The following DGKB variants were observed in gnomAD, a reference collection of about 807,000 sequenced individuals.
The protein encoded by DGKB is 90 kDa diacylglycerol kinase.
In DGKB, 67 loss-of-function variants were observed where a neutral mutation model predicts 114.3. The observed-to-expected ratio is 0.59, with a 90% CI of 0.48 to 0.72. The LOEUF is 0.72. Among genes scored for constraint, DGKB ranks in the 30% least tolerant of loss-of-function variants. DGKB has a pLI of 0.00. For synonymous variants in DGKB, 398 were observed against 323.1 expected, an observed-to-expected ratio of 1.23 and a Z score of -2.49; for missense variants, 907 against 975.2, an observed-to-expected ratio of 0.93 and a Z score of 0.93.
At position 14,309,046 on chromosome 7, in the gene DGKB, T is replaced by C. The variant is rs552117313; in HGVS notation, c.2122+29469A>G. ...GCCTCGGCAACATGGTAAGGCCTCATCTTACAAAAAATACAAAAAATTTAG... is the reference window on the plus strand; with the variant it reads ...GCCTCGGCAACATGGTAAGGCCTCACCTTACAAAAAATACAAAAAATTTAG... On this transcript the variant is annotated intron_variant, in intron 23 of 25. Coordinates refer to ENST00000402815, the MANE Select transcript of DGKB (RefSeq NM_001350709.2). Among the ~76,000 whole-genome samples, 10 of 152,088 alleles carry C rather than the reference T, an allele frequency of 6.6e-5. No individual in the cohort carries two copies. The South Asian group carries it at 2.1e-3, about 32-fold the overall frequency.
At chr7:14,562,848 T>C (rs1209309524) in intron 20 of DGKB, among the ~76,000 whole-genome samples, 1 of 152,182 alleles carries the variant, frequency 6.6e-6, no homozygotes, top group Non-Finnish European at 1.5e-5. Context: ...AATGGGTTAA[T>C]ACTTTGGGGG....
intron 21 of DGKB, among the ~76,000 whole-genome samples, chr7:14,444,370 TTAA>T (rs1830460808): frequency 6.6e-6 from 1 of 151,818 alleles, no homozygotes; most frequent in African/African-American, 2.4e-5. Context: ...AAATTTTCAC[TTAA>T]TATTATAGCA....
At chr7:14,220,804 T>C (rs984772117) in intron 23 of DGKB, among the ~76,000 whole-genome samples, 4 of 151,556 alleles carry the variant, frequency 2.6e-5, no homozygotes, top group Admixed American at 6.6e-5. Context: ...CTTTTGACAA[T>C]GTTTTGCAAT....
At position 14,607,461 on chromosome 7, in the gene DGKB, C is replaced by G; in HGVS notation, c.1406G>C (p.Ser469Thr). Residue 469 changes from serine to threonine, a missense_variant, in exon 17 of 26, where the codon AGT (serine) becomes ACT (threonine). This residue lies in a region of DGKB where 814 missense variants were observed against 856.6 expected (regional missense o/e 0.95). Coordinates refer to ENST00000402815, the MANE Select transcript of DGKB (RefSeq NM_001350709.2). ...QYLLNPRQVY[S>T]LSGNGPMPGL... ...TGGCATTGGTCCATTTCCAGAAAGACTGTAAACCTGACGAGGATTTAATAG... is the reference window on the plus strand; with the variant it reads ...TGGCATTGGTCCATTTCCAGAAAGAGTGTAAACCTGACGAGGATTTAATAG... 1 of 1,586,914 alleles carries G rather than the reference C, an allele frequency of 6.3e-7. No individual in the cohort carries two copies.
intron 2 of DGKB, among the ~76,000 whole-genome samples, chr7:14,831,983 T>C (rs774436435): frequency 6.6e-6 from 1 of 151,786 alleles, no homozygotes; most frequent in Non-Finnish European, 1.5e-5. Context: ...TATAGAACTA[T>C]AGAAAAAGAA....
chr7:14,859,207 G>C (rs762625219), intron 1 of DGKB, among the ~76,000 whole-genome samples: 1 of 151,950 alleles, frequency 6.6e-6, no homozygotes, highest in African/African-American at 2.4e-5. Flanking sequence ...GGTGGATGTT[G>C]GAAATAGAAA....
intron 6 of DGKB, among the ~76,000 whole-genome samples, chr7:14,714,298 G>C (rs1040150757): frequency 2.0e-5 from 3 of 152,016 alleles, no homozygotes; most frequent in Non-Finnish European, 2.9e-5. Flanking sequence ...AAAAGTTCAG[G>C]GTTTGTCTGA....
chr7:14,339,286 T>C (rs1397235981), intron 22 of DGKB, among the ~76,000 whole-genome samples: 1 of 151,982 alleles, frequency 6.6e-6, no homozygotes, highest in Non-Finnish European at 1.5e-5. Context: ...GGTGGTTTCT[T>C]GGACTAGATG....
chr7:14,414,787 AATGAC>A, intron 21 of DGKB, among the ~76,000 whole-genome samples: 1 of 152,242 alleles, frequency 6.6e-6, no homozygotes, highest in South Asian at 2.1e-4. Flanking sequence ...ACGGGTGTGA[AATGAC>A]ATTCTCCAGT....
chr7:14,944,274 T>C (rs1364825288), intron 1 of DGKB, among the ~76,000 whole-genome samples: 1 of 151,876 alleles, frequency 6.6e-6, no homozygotes, highest in Admixed American at 6.6e-5. Flanking sequence ...GGAATACGAA[T>C]TTATTTTGTA....
intron 13 of DGKB, among the ~76,000 whole-genome samples, chr7:14,668,192 A>G (rs367582567): frequency 6.6e-5 from 10 of 152,130 alleles, no homozygotes; most frequent in Admixed American, 3.3e-4. Flanking sequence ...CTACTGGGAC[A>G]ATCCTAGAAT....
At chr7:14,658,820 C>T (rs1036417973) in intron 13 of DGKB, among the ~76,000 whole-genome samples, 1 of 151,814 alleles carries the variant, frequency 6.6e-6, no homozygotes, top group Admixed American at 6.6e-5. Context: ...TTTAAATATA[C>T]ATTTTTCAAA....
chr7:14,318,161 T>G (rs1229393756), intron 23 of DGKB, among the ~76,000 whole-genome samples: 1 of 105,418 alleles, frequency 9.5e-6, no homozygotes, highest in Non-Finnish European at 2.0e-5. Context: ...ACTTAAATGT[T>G]AGACCTAAAA....
chr7:14,915,807 C>T (rs1033173543), intron 1 of DGKB, among the ~76,000 whole-genome samples: 3 of 152,068 alleles, frequency 2.0e-5, no homozygotes, highest in African/African-American at 4.8e-5. Flanking sequence ...AATTTGTTAC[C>T]TGTAATACTG....
intron 1 of DGKB, among the ~76,000 whole-genome samples, chr7:14,970,846 C>A (rs1787421360): frequency 2.0e-5 from 3 of 152,118 alleles, no homozygotes; most frequent in South Asian, 4.1e-4. Flanking sequence ...CCATAGACAC[C>A]ATTTCTGAAC....
intron 23 of DGKB, among the ~76,000 whole-genome samples, chr7:14,279,246 C>G (rs28892892): frequency 3.9e-5 from 6 of 152,022 alleles, no homozygotes; most frequent in Non-Finnish European, 8.8e-5. Context: ...CACGGAGTCT[C>G]GCTGATTGCT....
intron 1 of DGKB, among the ~76,000 whole-genome samples, chr7:14,852,917 A>T (rs1205685796): frequency 1.3e-5 from 2 of 152,204 alleles, no homozygotes; most frequent in Non-Finnish European, 2.9e-5. Context: ...GATATAATAC[A>T]TATTCTGACT....
chr7:14,388,123 C>T (rs774887317), intron 21 of DGKB, among the ~76,000 whole-genome samples: 2 of 151,068 alleles, frequency 1.3e-5, no homozygotes, highest in African/African-American at 2.4e-5. Flanking sequence ...GTGATCCACT[C>T]GCCTTGGCCT....
At chr7:14,219,121 A>T (rs1030777481) in intron 23 of DGKB, among the ~76,000 whole-genome samples, 8 of 151,958 alleles carry the variant, frequency 5.3e-5, no homozygotes, top group Admixed American at 2.6e-4. Context: ...TTATAAGTGA[A>T]TAACATTTAT....
Sources: allele counts gnomAD v4.1 joint callset (sites outside exome capture counted in the v4.1 genomes callset), GRCh38; gene constraint gnomAD v4.1.1; regional missense constraint gnomAD v4.1.1; transcripts MANE v1.5; gene names NCBI Gene and HGNC (gene_info 2026-07-23, HGNC 2026-07-21).